The following DTWD2 variants were observed in gnomAD, a reference collection of about 807,000 sequenced individuals.
DTWD2 encodes DTW motif tRNA-uridine aminocarboxypropyltransferase 2.
A neutral mutation model predicts 31.8 loss-of-function variants in DTWD2; 39 were observed. The ratio of observed to expected loss-of-function variants is 1.22; its 90% CI spans 0.95 to 1.60. The LOEUF (loss-of-function observed/expected upper bound fraction) is 1.60. Among genes scored for constraint, DTWD2 ranks in the 40% most tolerant of loss-of-function variants. The pLI is 0.00. For missense variants in DTWD2, 515 were observed against 381.5 expected (o/e 1.35, Z -2.92); for synonymous variants, 180 against 142.8 (o/e 1.26, Z -1.86).
At chr5:118,878,433 T>G (rs369653466) in intron 4 of DTWD2, among the ~76,000 whole-genome samples, 12 of 152,172 alleles carry the variant, frequency 7.9e-5, no homozygotes, top group Non-Finnish European at 1.5e-4. Flanking sequence ...ATTCAATAAA[T>G]GGTGCTAGGA....
chr5:118,890,757 G>C (rs1438592651), intron 4 of DTWD2, among the ~76,000 whole-genome samples: 1 of 151,948 alleles, frequency 6.6e-6, no homozygotes, highest in African/African-American at 2.4e-5. Flanking sequence ...TTTTAGTAGA[G>C]ACGGGGTTTC....
chr5:118,910,924 A>G (rs1407978725), intron 4 of DTWD2, among the ~76,000 whole-genome samples: 1 of 152,110 alleles, frequency 6.6e-6, no homozygotes, highest in Non-Finnish European at 1.5e-5. Context: ...CCTCTTTTAT[A>G]AGGGCACTAA....
At chr5:118,887,101 G>A (rs1163987431) in intron 4 of DTWD2, among the ~76,000 whole-genome samples, 1 of 152,142 alleles carries the variant, frequency 6.6e-6, no homozygotes, top group Non-Finnish European at 1.5e-5. Context: ...GAGTGGTTTG[G>A]GTGGCTAGAA....
intron 4 of DTWD2, among the ~76,000 whole-genome samples, chr5:118,925,989 G>A (rs1186215404): frequency 1.3e-5 from 2 of 152,084 alleles, no homozygotes; most frequent in African/African-American, 2.4e-5. Flanking sequence ...CAGCACTTTG[G>A]GAAGCCGAGG....
At position 118,839,644 on chromosome 5, in the gene DTWD2, G is replaced by A. The variant is rs938326347; in HGVS notation, c.*1273C>T. 4 of 152,072 alleles carry A rather than the reference G, an allele frequency of 2.6e-5. No individual in the cohort carries two copies. The highest frequency in any genetic ancestry group is 9.7e-5 in the African/African-American group (4 of 41,392). The allele number at this position is 152,072 out of a possible 1,614,324, so 9.4% of individuals were successfully genotyped here. ...CCCAAAGTGCTGGGATTACAGGTGT[G>A]AGCTAATGGGCCCAGCCCTAATTTG... On this transcript the variant is annotated 3_prime_UTR_variant, in exon 6 of 6. Coordinates refer to ENST00000510708, the MANE Select transcript of DTWD2 (RefSeq NM_173666.4).
At chr5:118,950,251 G>GTTGGC (rs969777902) in intron 1 of DTWD2, among the ~76,000 whole-genome samples, 5 of 147,976 alleles carry the variant, frequency 3.4e-5, no homozygotes, top group African/African-American at 1.3e-4. Context: ...TATTGTCTAA[G>GTTGGC]TTGGCACCAG....
intron 1 of DTWD2, among the ~76,000 whole-genome samples, chr5:118,980,076 C>T (rs1166190451): frequency 6.6e-6 from 1 of 152,190 alleles, no homozygotes; most frequent in Admixed American, 6.5e-5. Context: ...GGTAATTCTC[C>T]ATGGGTCTCT....
At position 118,871,691 on chromosome 5, in the gene DTWD2, C is replaced by T. The variant is rs944442674; in HGVS notation, c.598-23473G>A. ...TGCTGTAAACAGATGAGCCATCATC[C>T]AGGCTTTCTTTTTCCAGTTACAAAG... On this transcript the variant is annotated intron_variant, in intron 4 of 5. Coordinates refer to ENST00000510708, the MANE Select transcript of DTWD2 (RefSeq NM_173666.4). 2.6e-5 allele frequency among the ~76,000 whole-genome samples: 4 copies of T among 152,192 alleles called. No homozygotes were observed. The South Asian group carries it at 6.2e-4, about 24-fold the overall frequency.
chr5:118,947,952 G>C (rs1754376163), intron 1 of DTWD2, among the ~76,000 whole-genome samples: 2 of 152,132 alleles, frequency 1.3e-5, no homozygotes, highest in African/African-American at 4.8e-5. Context: ...AAAATGAATT[G>C]AAGTTAGACT....
chr5:118,921,474 C>T (rs1172723062), intron 4 of DTWD2, among the ~76,000 whole-genome samples: 3 of 149,794 alleles, frequency 2.0e-5, no homozygotes, highest in Non-Finnish European at 4.4e-5. Flanking sequence ...GAGCTATAAT[C>T]ACACCCGTGT....
Position 118,840,749 on chromosome 5 carries a change from G to T in DTWD2, c.*168C>A. The T allele has an allele frequency of 1.5e-6, 1 of 660,708 alleles. No individual in the cohort carries two copies. The highest frequency in any genetic ancestry group is 2.2e-6 in the Non-Finnish European group (1 of 453,638). 40.9% of individuals were successfully genotyped at this position (660,708 alleles called of 1,614,324 possible). A position where few individuals can be genotyped will look rare whatever the true frequency, so the allele number is the denominator to read the frequency against. ...CTTTTCAGTGAGCCAGTGAATTTCTGTTTATTTGTATTTATGAATATTTGG... is the reference window on the plus strand; with the variant it reads ...CTTTTCAGTGAGCCAGTGAATTTCTTTTTATTTGTATTTATGAATATTTGG... On this transcript the variant is annotated 3_prime_UTR_variant, in exon 6 of 6. Coordinates refer to ENST00000510708, the MANE Select transcript of DTWD2 (RefSeq NM_173666.4).
chr5:118,945,774 A>AAAAGAAAGAAAGAAAGAGAGAAAGAAAG (rs1754323115), intron 1 of DTWD2, among the ~76,000 whole-genome samples: 1 of 134,262 alleles, frequency 7.4e-6, no homozygotes, highest in African/African-American at 2.9e-5. Flanking sequence ...CAAAAAAAAA[A>AAAAGAAAGAAAGAAAGAGAGAAAGAAAG]AAAGAAAGAA....
chr5:118,922,417 C>T (rs1414961128), intron 4 of DTWD2, among the ~76,000 whole-genome samples: 1 of 151,790 alleles, frequency 6.6e-6, no homozygotes, highest in African/African-American at 2.4e-5. Context: ...TTAAAGAAAC[C>T]GAATGGATCA....
intron 2 of DTWD2, among the ~76,000 whole-genome samples, chr5:118,940,343 G>A (rs1029642118): frequency 6.6e-5 from 10 of 152,240 alleles, no homozygotes; most frequent in Non-Finnish European, 1.0e-4. Flanking sequence ...ATGAGACTGT[G>A]ACACAAACTT....
rs531974360 is a variant in DTWD2, at chr5:118,947,614, C to T, written c.219-2965G>A. Among the ~76,000 whole-genome samples the T allele has an allele frequency of 5.9e-5, 9 of 152,094 alleles. No individual in the cohort carries two copies. In the East Asian group the frequency reaches 1.3e-3, roughly 23 times the overall value. ...TTATGGGTACAGGATGGGGGTGGAA[C>T]GGGCCATGTGTGGTTTTGGAAAAGA... On this transcript the variant is annotated intron_variant, in intron 1 of 5. Transcript: ENST00000510708.
chr5:118,856,567 A>C (rs1290454873), intron 4 of DTWD2, among the ~76,000 whole-genome samples: 1 of 152,194 alleles, frequency 6.6e-6, no homozygotes, highest in Non-Finnish European at 1.5e-5. Context: ...AACAAAGACA[A>C]ACTGCGTTCC....
rs536283279 is a variant in DTWD2, at chr5:118,848,020, T to G, written c.726+70A>C. ...ACATGAGTTACAAATTTAACAAGCA[T>G]GTCTAAATCTTCTAGGTAAAATCTA... is the stretch of plus-strand genomic sequence containing the variant. On this transcript the variant is annotated intron_variant, in intron 5 of 5. Coordinates refer to ENST00000510708, the MANE Select transcript of DTWD2 (RefSeq NM_173666.4). 4.7e-5 allele frequency: 66 copies of G among 1,395,528 alleles called. No individual in the cohort carries two copies. In the South Asian group the frequency reaches 1.1e-3, roughly 24 times the overall value. The allele number at this position is 1,395,528 out of a possible 1,614,324, so 86.4% of individuals were successfully genotyped here.
chr5:118,918,026 G>T (rs1753617690), intron 4 of DTWD2, among the ~76,000 whole-genome samples: 1 of 151,600 alleles, frequency 6.6e-6, no homozygotes, highest in African/African-American at 2.4e-5. Flanking sequence ...ATGGGGAACT[G>T]CCCCCATTAT....
intron 1 of DTWD2, among the ~76,000 whole-genome samples, chr5:118,969,675 C>A (rs1432426121): frequency 6.6e-6 from 1 of 152,138 alleles, no homozygotes; most frequent in Non-Finnish European, 1.5e-5. Flanking sequence ...CACAAAAACA[C>A]CATTCAAAGG....
Sources: allele counts gnomAD v4.1 joint callset (sites outside exome capture counted in the v4.1 genomes callset), GRCh38; gene constraint gnomAD v4.1.1; transcripts MANE v1.5; gene names NCBI Gene and HGNC (gene_info 2026-07-23, HGNC 2026-07-21).